The following GRID1 variants were observed in gnomAD, a reference collection of about 807,000 sequenced individuals.
The protein encoded by GRID1 is glutamate receptor ionotropic, delta-1.
GRID1 carries 28 observed loss-of-function variants against 98.0 expected under a neutral mutation model. That is an observed-to-expected ratio of 0.29 (90% confidence interval 0.21 to 0.39). The LOEUF (loss-of-function observed/expected upper bound fraction) is 0.39, where lower values mean the gene tolerates loss of function less well. GRID1 is among the 10% of genes least tolerant of loss of function. The pLI, the probability that GRID1 is intolerant of heterozygous loss-of-function variation, is 1.00. For synonymous variants in GRID1, 553 were observed against 538.5 expected, an observed-to-expected ratio of 1.03 and a Z score of -0.37; for missense variants, 1,111 against 1,340.5, an observed-to-expected ratio of 0.83 and a Z score of 2.67.
At chr10:85,698,988 G>T (rs1841423346) in intron 12 of GRID1, among the ~76,000 whole-genome samples, 2 of 152,008 alleles carry the variant, frequency 1.3e-5, no homozygotes, top group South Asian at 4.2e-4. Context: ...TTAAACAGGT[G>T]GTTGGTATTT....
At chr10:86,104,694 C>G (rs577272082) in intron 4 of GRID1, among the ~76,000 whole-genome samples, 39 of 152,340 alleles carry the variant, frequency 2.6e-4, no homozygotes, top group Admixed American at 1.0e-3. Flanking sequence ...GCCCCACCCT[C>G]CAGGCCCTCA....
At chr10:85,763,494 T>G (rs1272443275) in intron 8 of GRID1, among the ~76,000 whole-genome samples, 1 of 152,194 alleles carries the variant, frequency 6.6e-6, no homozygotes, top group Non-Finnish European at 1.5e-5. Flanking sequence ...TCAGGAAATG[T>G]TTTCCAAATC....
At chr10:86,020,028 G>A (rs574865544) in intron 4 of GRID1, among the ~76,000 whole-genome samples, 11 of 152,342 alleles carry the variant, frequency 7.2e-5, no homozygotes, top group African/African-American at 2.6e-4. Flanking sequence ...AACCATGACA[G>A]ACGTCATATA....
At chr10:86,244,693 C>T (rs1846693674) in intron 2 of GRID1, among the ~76,000 whole-genome samples, 1 of 152,238 alleles carries the variant, frequency 6.6e-6, no homozygotes, top group Non-Finnish European at 1.5e-5. Context: ...AGACAGAGGG[C>T]AGCCATGGCC....
chr10:86,364,786 C>A (rs1407728093), intron 1 of GRID1, among the ~76,000 whole-genome samples: 1 of 152,260 alleles, frequency 6.6e-6, no homozygotes, highest in Non-Finnish European at 1.5e-5. Context: ...GTGTCCTAGG[C>A]GCCTCCACGT....
intron 6 of GRID1, among the ~76,000 whole-genome samples, chr10:85,865,971 AG>A (rs1843216919): frequency 9.3e-6 from 1 of 107,700 alleles, no homozygotes; most frequent in Non-Finnish European, 2.1e-5. Context: ...AGAGAGAGAG[AG>A]AGAGAGAGAG....
chr10:85,846,021 T>G (rs967665680), intron 8 of GRID1, among the ~76,000 whole-genome samples: 4 of 152,120 alleles, frequency 2.6e-5, no homozygotes, highest in Non-Finnish European at 5.9e-5. Context: ...TGATGTTCTT[T>G]GATGTGAGTG....
intron 12 of GRID1, among the ~76,000 whole-genome samples, chr10:85,708,353 G>A (rs745639737): frequency 3.3e-5 from 5 of 151,158 alleles, no homozygotes; most frequent in Non-Finnish European, 5.9e-5. Context: ...GCAGTGAGCC[G>A]AGATTGTGCC....
intron 2 of GRID1, among the ~76,000 whole-genome samples, chr10:86,210,208 A>T (rs941596991): frequency 6.6e-6 from 1 of 152,198 alleles, no homozygotes; most frequent in African/African-American, 2.4e-5. Flanking sequence ...TCAGGAGAGC[A>T]GCACAAGGTG....
Position 85,724,626 on chromosome 10 carries a change from G to A in GRID1, c.1584C>T (p.Ser528=), listed in dbSNP as rs776824384. The change falls in exon 11 of 16, where the codon AGC becomes AGT. Residue 528 remains serine, a synonymous_variant. Coordinates refer to ENST00000327946, the MANE Select transcript of GRID1 (RefSeq NM_017551.3). The part of the protein sequence containing the change: ...SAITITPERE[S]VVDFSKRYMD... ...TGTACCGCTTGCTGAAGTCCACAAC[G>A]CTCTCCCTCTCTGGGGTGATGGTGA... 4.3e-5 allele frequency: 69 copies of A among 1,613,190 alleles called. No individual in the cohort carries two copies. Among genetic ancestry groups the A allele is most frequent in the Middle Eastern group, 1.7e-4 (1 of 6,034 alleles).
chr10:85,947,436 T>G (rs1458815012), intron 4 of GRID1, among the ~76,000 whole-genome samples: 1 of 152,194 alleles, frequency 6.6e-6, no homozygotes, highest in Non-Finnish European at 1.5e-5. Context: ...TAAAATATAA[T>G]TTAAAAATAT....
chr10:86,363,082 G>T (rs1186937496), intron 2 of GRID1, among the ~76,000 whole-genome samples: 1 of 152,278 alleles, frequency 6.6e-6, no homozygotes. Flanking sequence ...GAATCTGGAG[G>T]CTTGGAGAAG....
At chr10:85,965,288 A>G (rs932610105) in intron 4 of GRID1, among the ~76,000 whole-genome samples, 6 of 152,276 alleles carry the variant, frequency 3.9e-5, no homozygotes, top group African/African-American at 1.4e-4. Flanking sequence ...ATTACTGGGT[A>G]TATACCCAAA....
chr10:85,771,025 T>G (rs1377042095), intron 8 of GRID1, among the ~76,000 whole-genome samples: 1 of 152,106 alleles, frequency 6.6e-6, no homozygotes, highest in East Asian at 1.9e-4. Flanking sequence ...AATTGTCAGA[T>G]TCACCAAAGT....
At chr10:86,317,132 A>G (rs1847911054) in intron 2 of GRID1, among the ~76,000 whole-genome samples, 1 of 151,668 alleles carries the variant, frequency 6.6e-6, no homozygotes, top group African/African-American at 2.4e-5. Flanking sequence ...AGAAGGCAGA[A>G]CTCCCCCCGG....
intron 8 of GRID1, among the ~76,000 whole-genome samples, chr10:85,829,170 G>C (rs897036315): frequency 3.3e-5 from 5 of 151,766 alleles, no homozygotes; most frequent in African/African-American, 1.2e-4. Context: ...AAATTAATGT[G>C]ATTCGTCACA....
chr10:85,606,644 T>TTCATACATACC (rs1842669730), intron 15 of GRID1: 1 of 152,190 alleles, frequency 6.6e-6, no homozygotes. Context: ...TTTGGAAACC[T>TTCATACATACC]TGGAAGCATG....
intron 8 of GRID1, among the ~76,000 whole-genome samples, chr10:85,852,159 T>C (rs1359710545): frequency 6.6e-6 from 1 of 152,214 alleles, no homozygotes; most frequent in Non-Finnish European, 1.5e-5. Flanking sequence ...TTAGCAGCGA[T>C]AAGCTGCTAG....
chr10:85,771,530 A>G (rs1289644192), intron 8 of GRID1, among the ~76,000 whole-genome samples: 1 of 152,156 alleles, frequency 6.6e-6, no homozygotes, highest in African/African-American at 2.4e-5. Context: ...AGACTGGCAA[A>G]TTGGATAAAG....
Sources: allele counts gnomAD v4.1 joint callset (sites outside exome capture counted in the v4.1 genomes callset), GRCh38; gene constraint gnomAD v4.1.1; transcripts MANE v1.5; gene names NCBI Gene and HGNC (gene_info 2026-07-23, HGNC 2026-07-21).